SYCP3: variants seen among roughly 807,000 people sequenced by gnomAD.
SYCP3 encodes synaptonemal complex protein 3.
Under a neutral mutation model 38.5 loss-of-function variants are expected in SYCP3, and 29 were observed. The observed-to-expected ratio is 0.75, with a 90% CI of 0.56 to 1.03. The LOEUF (loss-of-function observed/expected upper bound fraction) is 1.03. SYCP3 is among the 50% of genes least tolerant of loss of function. SYCP3 has a pLI of 0.00. For synonymous variants in SYCP3, 79 were observed against 80.3 expected (o/e 0.98, Z 0.08); for missense variants, 242 against 270.7 (o/e 0.89, Z 0.74).
chr12:101,734,025 A>G (rs762840579), intron 5 of SYCP3, among the ~76,000 whole-genome samples: 17 of 152,206 alleles, frequency 1.1e-4, no homozygotes, highest in Non-Finnish European at 2.2e-4. Context: ...TACATTAAAT[A>G]AGGTGATTGT....
chr12:101,728,983 G>A lies in SYCP3; in HGVS notation c.658-3C>T. The A allele has an allele frequency of 6.2e-7, 1 of 1,613,424 alleles. No homozygotes were observed. The highest frequency in any genetic ancestry group is 1.7e-4 in the Middle Eastern group (1 of 6,052). The stretch of plus-strand genomic sequence containing the variant: ...ACACTTGCTATCTCTTGCTGCTGCT[G>A]TTTCATGGAAGGAGATATTAAACAT... On this transcript the variant is annotated splice_region_variant and splice_polypyrimidine_tract_variant and intron_variant, in intron 8 of 8. Transcript: ENST00000392924.
intron 6 of SYCP3, chr12:101,733,291 T>G: frequency 2.6e-6 from 1 of 384,354 alleles, no homozygotes; most frequent in Non-Finnish European, 4.8e-6. Context: ...TGGCTATGCC[T>G]GAAGCTAAAC....
In SYCP3 at chr12:101,728,988, A is replaced by G. The variant is rs1240761417; in HGVS notation, c.658-8T>C. On this transcript the variant is annotated splice_region_variant and splice_polypyrimidine_tract_variant and intron_variant, in intron 8 of 8. Transcript: ENST00000392924. ...TGCTATCTCTTGCTGCTGCTGTTTC[A>G]TGGAAGGAGATATTAAACATTTGTT... 6.2e-7 allele frequency: 1 copy of G among 1,613,536 alleles called. No individual in the cohort carries two copies. Among genetic ancestry groups the G allele is most frequent in the Admixed American group, 1.7e-5 (1 of 60,014 alleles).
intron 4 of SYCP3, among the ~76,000 whole-genome samples, chr12:101,736,401 G>T (rs1306508148): frequency 6.6e-6 from 1 of 151,916 alleles, no homozygotes; most frequent in Admixed American, 6.6e-5. Flanking sequence ...AAAAAGAGTT[G>T]ACTGTATGAA....
intron 1 of SYCP3, 172 bp downstream of exon 1, chr12:101,739,179 C>T (rs1203821491): frequency 4.4e-6 from 3 of 683,460 alleles, no homozygotes; most frequent in Non-Finnish European, 5.4e-6. Context: ...CAGCCCAGCC[C>T]GCCCGCTTTC....
Position 101,731,642 on chromosome 12 carries a change from T to A in SYCP3, c.478A>T (p.Ile160Phe). ...ILNMFRQQQK[I>F]LQQSRIVQSQ... ...TGAACAATTCTAGATTGTTGAAGAA[T>A]CTTTTGTTGCTGTCGAAACATATTC... is the stretch of plus-strand genomic sequence containing the variant. Residue 160 changes from isoleucine to phenylalanine, a missense_variant, in exon 7 of 9, where the codon ATT becomes TTT. Ile to Phe is a conservative substitution (Grantham distance 21). Transcript: ENST00000392924. 1 of 1,602,766 alleles carries A rather than the reference T, an allele frequency of 6.2e-7. No individual in the cohort carries two copies.
At chr12:101,738,755 G>C (rs995521512) in intron 1 of SYCP3, among the ~76,000 whole-genome samples, 1 of 152,196 alleles carries the variant, frequency 6.6e-6, no homozygotes, top group African/African-American at 2.4e-5. Context: ...ATCGATGAGA[G>C]AGAATGACAG....
Position 101,737,852 on chromosome 12 carries a change from C to G in SYCP3, c.84G>C (p.Glu28Asp), listed in dbSNP as rs1952519224. Reference protein sequence around the residue: ...EDQFTRAYDFETEDKKDLSGS... With the variant: ...EDQFTRAYDFDTEDKKDLSGS... The stretch of plus-strand genomic sequence containing the variant: ...CACTCAGATCTTTCTTATCTTCAGT[C>G]TCAAAGTCATAGGCTCTCGTAAACT... Residue 28 changes from glutamate to aspartate, a missense_variant, in exon 2 of 9, where the codon GAG (glutamate) becomes GAC (aspartate). Coordinates refer to ENST00000392924, the MANE Select transcript of SYCP3 (RefSeq NM_001177949.2). The G allele has an allele frequency of 4.3e-6, 7 of 1,614,206 alleles. No individual in the cohort carries two copies. The East Asian group carries it at 1.6e-4, about 36-fold the overall frequency.
chr12:101,733,659 T>C lies in SYCP3; in HGVS notation c.369A>G (p.Gln123=), dbSNP rs748691519. ...TQQDQRQKLN[Q]EYSQQFLTLF... ...AAGTCAGAAACTGCTGAGAATATTCTTGGTTAAGCTTCTGCCTGTAAAACA... is the reference window on the plus strand; with the variant it reads ...AAGTCAGAAACTGCTGAGAATATTCCTGGTTAAGCTTCTGCCTGTAAAACA... Residue 123 remains glutamine (Q), a synonymous_variant, in exon 6 of 9, where the codon CAA becomes CAG. Coordinates refer to ENST00000392924, the MANE Select transcript of SYCP3 (RefSeq NM_001177949.2). 3.7e-6 allele frequency: 6 copies of C among 1,610,984 alleles called. No homozygotes were observed. The highest frequency in any genetic ancestry group is 5.1e-6 in the Non-Finnish European group (6 of 1,179,926).
chr12:101,732,285 A>G (rs2137055406), intron 6 of SYCP3: 1 of 152,404 alleles, frequency 6.6e-6, no homozygotes, highest in African/African-American at 2.4e-5. Flanking sequence ...TTACCATTCT[A>G]ACTTACTCTT....
intron 7 of SYCP3, among the ~76,000 whole-genome samples, chr12:101,730,052 TAAG>T (rs1426726490): frequency 1.3e-5 from 2 of 152,132 alleles, no homozygotes; most frequent in Non-Finnish European, 2.9e-5. Flanking sequence ...CTTCAATACC[TAAG>T]AATTTAGAAC....
At chr12:101,731,958 G>A (rs1372130789) in intron 6 of SYCP3, 3 of 259,562 alleles carry the variant, frequency 1.2e-5, no homozygotes, top group Non-Finnish European at 1.5e-5. Context: ...ATGGTTTTCC[G>A]TTTCGTGACC....
intron 6 of SYCP3, 78 bp downstream of exon 6, chr12:101,733,497 C>T: frequency 7.6e-7 from 1 of 1,313,126 alleles, no homozygotes; most frequent in Non-Finnish European, 1.1e-6. Flanking sequence ...GGCTCAGTTC[C>T]ACTGGTCACA....
intron 7 of SYCP3, among the ~76,000 whole-genome samples, chr12:101,729,966 C>T (rs944215277): frequency 5.3e-5 from 8 of 151,510 alleles, no homozygotes; most frequent in Admixed American, 2.6e-4. Flanking sequence ...TGAGAGAAAG[C>T]AGTTATGTGG....
At chr12:101,739,183 CGCTTT>C in intron 1 of SYCP3, 163 bp downstream of exon 1, 2 of 790,272 alleles carry the variant, frequency 2.5e-6, no homozygotes, top group Non-Finnish European at 3.1e-6. Context: ...CCAGCCCGCC[CGCTTT>C]CCACTAGGCC....
rs1170087167 is a variant in SYCP3, at chr12:101,737,971, T to C, written c.-17-19A>G. On this transcript the variant is annotated intron_variant, in intron 1 of 8. Transcript: ENST00000392924. ...TTCCTGACTTTAAAAAACAAATTTCTTTAACCTTCTGAATGCAAAGACATC... is the reference window on the plus strand; with the variant it reads ...TTCCTGACTTTAAAAAACAAATTTCCTTAACCTTCTGAATGCAAAGACATC... 1 of 1,612,336 alleles carries C rather than the reference T, an allele frequency of 6.2e-7. No homozygotes were observed. The highest frequency in any genetic ancestry group is 8.5e-7 in the Non-Finnish European group (1 of 1,178,880).
In SYCP3 at chr12:101,731,603, T is replaced by A. The variant is rs761126886; in HGVS notation, c.517A>T (p.Lys173Ter). ...TGCTCATATAACTGTTTAATTGTTT[T>A]CAATCTCTGGCTCTGAACAATTCTA... is the stretch of plus-strand genomic sequence containing the variant. ...QSRIVQSQRL[K>*]TIKQLYEQFI... The change falls in exon 7 of 9, where the codon AAA (lysine) becomes TAA (stop). Residue 173 changes from lysine (K) to a stop codon, truncating the protein, a stop_gained. Transcript: ENST00000392924. LOFTEE classifies it high-confidence loss of function. The A allele has an allele frequency of 5.0e-5, 81 of 1,607,330 alleles. No individual in the cohort carries two copies. Among genetic ancestry groups the A allele is most frequent in the Non-Finnish European group, 6.8e-5 (80 of 1,178,330 alleles).
chr12:101,738,706 A>G (rs1952574292), intron 1 of SYCP3, among the ~76,000 whole-genome samples: 1 of 152,256 alleles, frequency 6.6e-6, no homozygotes, highest in Non-Finnish European at 1.5e-5. Flanking sequence ...ACTGCACTCC[A>G]GCCTGGGCGA....
chr12:101,731,691 T>G (rs746143234), intron 6 of SYCP3, 25 bp from the exon 7 acceptor site: 2 of 1,507,076 alleles, frequency 1.3e-6, no homozygotes, highest in Admixed American at 3.9e-5. Context: ...GAAAAAAAAC[T>G]GTGTAATAAC....
Sources: gnomAD v4.1 joint callset for allele counts (sites outside exome capture counted in the v4.1 genomes callset) on GRCh38, gnomAD v4.1.1 for gene constraint, MANE v1.5 for transcripts, NCBI Gene and HGNC (gene_info 2026-07-23, HGNC 2026-07-21) for gene names.